MBOAT2: variants seen among roughly 807,000 people sequenced by gnomAD.
MBOAT2 encodes membrane-bound glycerophospholipid O-acyltransferase 2.
MBOAT2 carries 28 observed loss-of-function variants against 63.4 expected under a neutral mutation model. That is an observed-to-expected ratio of 0.44 (90% CI 0.33 to 0.61). The LOEUF is 0.61. MBOAT2 is among the 20% of genes least tolerant of loss of function. The probability of loss-of-function intolerance (pLI) is 0.03; values close to 1 mark genes in which losing one functional copy is unlikely to be tolerated. For synonymous variants in MBOAT2, 211 were observed against 215.6 expected (o/e 0.98, Z 0.19); for missense variants, 470 against 605.8 (o/e 0.78, Z 2.35).
At chr2:8,889,902 G>A (rs1346223949) in intron 4 of MBOAT2, among the ~76,000 whole-genome samples, 1 of 152,120 alleles carries the variant, frequency 6.6e-6, no homozygotes, top group Non-Finnish European at 1.5e-5. Context: ...ATTCCATCAG[G>A]TGCAAAGGAC....
At chr2:8,926,708 G>GATACT (rs1459987927) in intron 3 of MBOAT2, among the ~76,000 whole-genome samples, 2 of 152,176 alleles carry the variant, frequency 1.3e-5, no homozygotes, top group East Asian at 3.8e-4. Context: ...AAAGAGGCAT[G>GATACT]GTCAGACAGA....
intron 1 of MBOAT2, among the ~76,000 whole-genome samples, chr2:8,996,234 C>T (rs953321778): frequency 2.0e-5 from 3 of 152,104 alleles, no homozygotes; most frequent in South Asian, 4.1e-4. Context: ...GTATCAGAGA[C>T]GGAAGCCTGA....
intron 1 of MBOAT2, among the ~76,000 whole-genome samples, chr2:9,002,372 A>G (rs1672757331): frequency 1.3e-5 from 2 of 152,202 alleles, no homozygotes; most frequent in South Asian, 4.1e-4. Context: ...TAGTATCCTA[A>G]TGTCAGGTTT....
chr2:8,904,132 A>G (rs1315653980), intron 4 of MBOAT2, among the ~76,000 whole-genome samples: 1 of 151,906 alleles, frequency 6.6e-6, no homozygotes, highest in East Asian at 1.9e-4. Context: ...GTGCGCCACC[A>G]CGTGGCTAAT....
intron 2 of MBOAT2, among the ~76,000 whole-genome samples, chr2:8,951,843 T>C (rs1668859262): frequency 6.6e-6 from 1 of 152,242 alleles, no homozygotes; most frequent in Non-Finnish European, 1.5e-5. Flanking sequence ...GCTAGCAATC[T>C]ATTGGTCCTC....
intron 4 of MBOAT2, among the ~76,000 whole-genome samples, chr2:8,905,497 C>T (rs1347000331): frequency 6.6e-6 from 1 of 152,138 alleles, no homozygotes; most frequent in African/African-American, 2.4e-5. Context: ...AGATGCATGT[C>T]CTTTGTAGGG....
At chr2:8,938,669 T>C (rs1667836941) in intron 3 of MBOAT2, among the ~76,000 whole-genome samples, 1 of 151,238 alleles carries the variant, frequency 6.6e-6, no homozygotes, top group Non-Finnish European at 1.5e-5. Flanking sequence ...CCACATTTCA[T>C]GCCGTGTCTC....
intron 4 of MBOAT2, among the ~76,000 whole-genome samples, chr2:8,902,184 G>A (rs1415714463): frequency 1.3e-5 from 2 of 152,142 alleles, no homozygotes; most frequent in Non-Finnish European, 2.9e-5. Context: ...CCTGACACCC[G>A]TGTCCGTAGT....
chr2:8,966,581 C>G (rs893881976), intron 1 of MBOAT2, among the ~76,000 whole-genome samples: 4 of 152,136 alleles, frequency 2.6e-5, no homozygotes, highest in African/African-American at 9.7e-5. Flanking sequence ...CCTCATCAAC[C>G]AACCTCGCAG....
intron 3 of MBOAT2, among the ~76,000 whole-genome samples, chr2:8,916,602 G>A (rs530781850): frequency 3.9e-5 from 6 of 152,270 alleles, no homozygotes; most frequent in Admixed American, 2.6e-4. Flanking sequence ...GGAAAAACAG[G>A]TGATGTCACC....
intron 1 of MBOAT2, among the ~76,000 whole-genome samples, chr2:8,993,333 C>T (rs752975138): frequency 1.3e-4 from 20 of 152,226 alleles, no homozygotes; most frequent in Non-Finnish European, 2.1e-4. Context: ...AGACCTGCTG[C>T]GCGGTCCTTC....
At chr2:8,963,504 A>T (rs2103288809) in intron 1 of MBOAT2, among the ~76,000 whole-genome samples, 1 of 152,164 alleles carries the variant, frequency 6.6e-6, no homozygotes, top group African/African-American at 2.4e-5. Flanking sequence ...GGGTTTCTCC[A>T]TGTTGGTCAG....
chr2:8,939,904 G>A (rs550487068), intron 3 of MBOAT2, among the ~76,000 whole-genome samples: 22 of 152,114 alleles, frequency 1.4e-4, no homozygotes, highest in African/African-American at 4.3e-4. Flanking sequence ...ATAGTTTTTC[G>A]TTTCATAAAA....
At chr2:8,912,531 G>C (rs1183097411) in intron 3 of MBOAT2, among the ~76,000 whole-genome samples, 1 of 152,122 alleles carries the variant, frequency 6.6e-6, no homozygotes, top group Non-Finnish European at 1.5e-5. Context: ...CAAATCTGTA[G>C]CTCTTCTATA....
At chr2:8,885,491 C>T (rs369676139) in intron 5 of MBOAT2, among the ~76,000 whole-genome samples, 2 of 152,168 alleles carry the variant, frequency 1.3e-5, no homozygotes, top group East Asian at 1.9e-4. Flanking sequence ...ATTTCATATA[C>T]GAGATATTCA....
chr2:8,950,679 G>A (rs1294420302), intron 2 of MBOAT2, among the ~76,000 whole-genome samples: 2 of 152,030 alleles, frequency 1.3e-5, no homozygotes, highest in African/African-American at 2.4e-5. Context: ...CACCCGTCTC[G>A]GCCTCCCAAA....
At chr2:8,928,111 TA>T (rs1459017913) in intron 3 of MBOAT2, among the ~76,000 whole-genome samples, 2 of 152,064 alleles carry the variant, frequency 1.3e-5, no homozygotes, top group Non-Finnish European at 2.9e-5. Context: ...GTGAGAACAG[TA>T]TCAAAGGGAC....
At chr2:8,955,276 C>G (rs1002903051) in intron 2 of MBOAT2, among the ~76,000 whole-genome samples, 1 of 152,202 alleles carries the variant, frequency 6.6e-6, no homozygotes, top group South Asian at 2.1e-4. Flanking sequence ...GATGTCTGTC[C>G]TTCACAGCGT....
Position 8,896,517 on chromosome 2 carries a change from G to A in MBOAT2, c.396-8444C>T, listed in dbSNP as rs1223839222. 3.3e-5 allele frequency among the ~76,000 whole-genome samples: 5 copies of A among 152,300 alleles called. No homozygotes were observed. In the South Asian group the frequency reaches 8.3e-4, roughly 25 times the overall value. Reference sequence around the variant, plus strand: ...ACTGTCTGAGAAATCCTTTGAGAGTGTGTGGCAGTAGGATAATGCATGTTA... The same window carrying A: ...ACTGTCTGAGAAATCCTTTGAGAGTATGTGGCAGTAGGATAATGCATGTTA... On this transcript the variant is annotated intron_variant, in intron 4 of 12. Coordinates refer to ENST00000305997, the MANE Select transcript of MBOAT2 (RefSeq NM_138799.4).
Sources: gnomAD v4.1 joint callset for allele counts (sites outside exome capture counted in the v4.1 genomes callset) on GRCh38, gnomAD v4.1.1 for gene constraint, MANE v1.5 for transcripts, NCBI Gene and HGNC (gene_info 2026-07-23, HGNC 2026-07-21) for gene names.